The following ARHGEF7 variants were observed in gnomAD, a reference collection of about 807,000 sequenced individuals.
The protein encoded by ARHGEF7 is Rho guanine nucleotide exchange factor 7.
A neutral mutation model predicts 109.8 loss-of-function variants in ARHGEF7; 33 were observed. The ratio of observed to expected loss-of-function variants is 0.30; its 90% CI spans 0.23 to 0.40. ARHGEF7 has a LOEUF of 0.40. ARHGEF7 is among the 10% of genes least tolerant of loss of function. The pLI, the probability that ARHGEF7 is intolerant of heterozygous loss-of-function variation, is 1.00. For missense variants in ARHGEF7, 938 were observed against 1,098.5 expected (o/e 0.85, Z 2.07); for synonymous variants, 458 against 424.6 (o/e 1.08, Z -0.97).
At chr13:111,225,393 G>A (rs1297742348) in intron 5 of ARHGEF7, among the ~76,000 whole-genome samples, 2 of 152,130 alleles carry the variant, frequency 1.3e-5, no homozygotes, top group East Asian at 1.9e-4. Flanking sequence ...AGGGAGAGGC[G>A]TTACTCACCT....
intron 2 of ARHGEF7, chr13:111,182,181 G>C (rs12430778): frequency 3.9e-5 from 6 of 152,256 alleles, no homozygotes; most frequent in African/African-American, 1.2e-4. Context: ...GGTGTCGAGC[G>C]TGCTGGTGTG....
At chr13:111,205,714 A>G (rs1364006059) in intron 3 of ARHGEF7, among the ~76,000 whole-genome samples, 1 of 151,946 alleles carries the variant, frequency 6.6e-6, no homozygotes, top group South Asian at 2.1e-4. Context: ...TACTGAGTGT[A>G]TGCTGGTTAA....
chr13:111,178,117 A>G (rs2078348264), intron 2 of ARHGEF7, among the ~76,000 whole-genome samples: 1 of 152,094 alleles, frequency 6.6e-6, no homozygotes, highest in Non-Finnish European at 1.5e-5. Context: ...TTGCTTTTCT[A>G]TTTTCATTTA....
intron 5 of ARHGEF7, among the ~76,000 whole-genome samples, chr13:111,219,460 A>C (rs751552395): frequency 6.6e-6 from 1 of 152,104 alleles, no homozygotes; most frequent in Non-Finnish European, 1.5e-5. Context: ...TGGTTGTGTA[A>C]GTATTTGAGT....
At chr13:111,140,865 G>C (rs1240273882) in intron 1 of ARHGEF7, among the ~76,000 whole-genome samples, 1 of 152,048 alleles carries the variant, frequency 6.6e-6, no homozygotes, top group East Asian at 1.9e-4. Context: ...TTTTTATAGA[G>C]ACAGGGTCTT....
chr13:111,145,342 C>T lies in ARHGEF7; in HGVS notation c.166-8563C>T, dbSNP rs545324232. Among the ~76,000 whole-genome samples, 15 of 152,088 alleles carry T rather than the reference C, an allele frequency of 9.9e-5. No homozygotes were observed. The South Asian group carries it at 2.1e-3, about 21-fold the overall frequency. ...CACTGAACAGAGGTGGTTTATGAGACGATTTATGAAGTGAGGGCAGGAAGA... is the reference window on the plus strand; with the variant it reads ...CACTGAACAGAGGTGGTTTATGAGATGATTTATGAAGTGAGGGCAGGAAGA... On this transcript the variant is annotated intron_variant, in intron 1 of 21. Coordinates refer to ENST00000646102, the MANE Select transcript of ARHGEF7 (RefSeq NM_001354046.2). This position sits in a 1 kb window ranked among gnomAD's most constrained non-coding sequence, Gnocchi z 4.3.
chr13:111,280,250 T>G, intron 13 of ARHGEF7, 22 bp from the exon 14 acceptor site: 2 of 1,575,254 alleles, frequency 1.3e-6, no homozygotes, highest in Non-Finnish European at 1.7e-6. Context: ...TTTTTTTTTT[T>G]GTGGGGGGGG....
chr13:111,193,444 A>C (rs1400515492), intron 2 of ARHGEF7, among the ~76,000 whole-genome samples: 1 of 151,798 alleles, frequency 6.6e-6, no homozygotes, highest in African/African-American at 2.4e-5. Context: ...TAAGACTGCC[A>C]CCTCCTTGGG....
At position 111,147,855 on chromosome 13, in the gene ARHGEF7, A is replaced by G. The variant is rs531345555; in HGVS notation, c.166-6050A>G. On this transcript the variant is annotated intron_variant, in intron 1 of 21. Coordinates refer to ENST00000646102, the MANE Select transcript of ARHGEF7 (RefSeq NM_001354046.2). ...TGGGACTACAGGCGCCCGCCACTAC[A>G]CCCGGCTAATTTTTTGTATTTTTAG... Among the ~76,000 whole-genome samples the G allele has an allele frequency of 2.4e-3, 358 of 150,196 alleles. 1 individual carries two copies. Among genetic ancestry groups the G allele is most frequent in the Non-Finnish European group, 3.9e-3 (265 of 67,438 alleles).
rs2153538340 is a variant in ARHGEF7, at chr13:111,239,848, G to A, written c.760-4024G>A. 6.6e-6 allele frequency among the ~76,000 whole-genome samples: 1 copy of A among 152,270 alleles called. No individual in the cohort carries two copies. Among genetic ancestry groups the A allele is most frequent in the African/African-American group, 2.4e-5 (1 of 41,552 alleles). On this transcript the variant is annotated intron_variant, in intron 6 of 21. Transcript: ENST00000646102. This position sits in a 1 kb window ranked among gnomAD's most constrained non-coding sequence, Gnocchi z 4.3. ...TAGTGGAATGCTGACACGGAGAGGA[G>A]CTCAGTGTTTGGGAGGATTGAGTGA...
At chr13:111,155,114 A>G (rs186722527) in intron 2 of ARHGEF7, among the ~76,000 whole-genome samples, 16 of 152,352 alleles carry the variant, frequency 1.1e-4, no homozygotes, top group African/African-American at 3.6e-4. Context: ...TTACGGGACT[A>G]TGCCATTTTA....
chr13:111,269,510 G>A (rs1185309832), intron 9 of ARHGEF7, among the ~76,000 whole-genome samples: 1 of 152,182 alleles, frequency 6.6e-6, no homozygotes, highest in Non-Finnish European at 1.5e-5. Flanking sequence ...TGTACGTGTA[G>A]CATTTTCCTG....
chr13:111,250,373 T>C (rs1009209643), intron 8 of ARHGEF7, among the ~76,000 whole-genome samples: 8 of 152,218 alleles, frequency 5.3e-5, no homozygotes, highest in Non-Finnish European at 1.2e-4. Flanking sequence ...TGGCTGCTGA[T>C]AGAGCCTGTC....
intron 1 of ARHGEF7, among the ~76,000 whole-genome samples, chr13:111,146,722 A>T (rs550953035): frequency 4.6e-5 from 7 of 152,326 alleles, no homozygotes; most frequent in African/African-American, 1.4e-4. Flanking sequence ...CAGCTGTCTT[A>T]GTCGGCTCTC....
At chr13:111,163,240 A>C (rs1418497061) in intron 2 of ARHGEF7, among the ~76,000 whole-genome samples, 2 of 152,270 alleles carry the variant, frequency 1.3e-5, no homozygotes, top group Non-Finnish European at 2.9e-5. Flanking sequence ...AAAGAAAGAC[A>C]GTTTCCATTC....
chr13:111,163,896 T>C (rs1299943374), intron 2 of ARHGEF7, among the ~76,000 whole-genome samples: 1 of 152,226 alleles, frequency 6.6e-6, no homozygotes, highest in Non-Finnish European at 1.5e-5. Flanking sequence ...TATTTCAACA[T>C]GTAATTGATA....
intron 1 of ARHGEF7, among the ~76,000 whole-genome samples, chr13:111,138,639 G>C (rs1226090011): frequency 6.6e-6 from 1 of 152,200 alleles, no homozygotes; most frequent in Non-Finnish European, 1.5e-5. Context: ...CTGAAGGTCT[G>C]AAGCAGCCTG....
intron 6 of ARHGEF7, among the ~76,000 whole-genome samples, chr13:111,238,198 T>G (rs2087104591): frequency 6.6e-6 from 1 of 152,228 alleles, no homozygotes; most frequent in Admixed American, 6.5e-5. Flanking sequence ...GTAGTTCAGA[T>G]AATTAAGATC....
intron 2 of ARHGEF7, among the ~76,000 whole-genome samples, chr13:111,156,034 G>T (rs925773000): frequency 2.7e-5 from 4 of 147,482 alleles, no homozygotes; most frequent in Non-Finnish European, 4.4e-5. Context: ...GCAGTGAGCT[G>T]AGATTGCCAC....
Sources: allele counts gnomAD v4.1 joint callset (sites outside exome capture counted in the v4.1 genomes callset), GRCh38; gene constraint gnomAD v4.1.1; non-coding constraint Gnocchi (gnomAD v3.1); transcripts MANE v1.5; gene names NCBI Gene and HGNC (gene_info 2026-07-23, HGNC 2026-07-21).